Variants in CSMD1 observed in about 807,000 individuals in gnomAD.
CSMD1 encodes the protein CUB and Sushi multiple domains 1, also known as CUB and sushi domain-containing protein 1.
CSMD1 carries 213 observed loss-of-function variants against 417.5 expected under a neutral mutation model. The observed-to-expected ratio is 0.51, with a 90% CI of 0.46 to 0.57. The LOEUF (loss-of-function observed/expected upper bound fraction) is 0.57, where lower values mean the gene tolerates loss of function less well. Among genes scored for constraint, CSMD1 ranks in the 20% least tolerant of loss-of-function variants. The pLI is 0.00. For missense variants in CSMD1, 6,923 were observed against 4,529.7 expected (o/e 1.53, Z -15.17); for synonymous variants, 2,862 against 1,736.8 (o/e 1.65, Z -16.11).
At chr8:4,104,816 T>C (rs866834321) in intron 3 of CSMD1, among the ~76,000 whole-genome samples, 11 of 152,220 alleles carry the variant, frequency 7.2e-5, no homozygotes, top group Non-Finnish European at 1.3e-4. Context: ...AGAGTGTCTT[T>C]AAATGTTTCC....
chr8:4,668,163 C>T (rs758362880), intron 1 of CSMD1, among the ~76,000 whole-genome samples: 2 of 152,096 alleles, frequency 1.3e-5, no homozygotes, highest in Non-Finnish European at 2.9e-5. Context: ...TAATCAACTG[C>T]ACTGCCATGG....
At chr8:3,585,035 G>T (rs1201303440) in intron 9 of CSMD1, among the ~76,000 whole-genome samples, 1 of 152,156 alleles carries the variant, frequency 6.6e-6, no homozygotes, top group Non-Finnish European at 1.5e-5. Flanking sequence ...CCATTTAAGA[G>T]GTGACAACTC....
intron 1 of CSMD1, among the ~76,000 whole-genome samples, chr8:4,941,079 A>C (rs1473937489): frequency 1.3e-5 from 2 of 152,234 alleles, no homozygotes; most frequent in African/African-American, 2.4e-5. Flanking sequence ...AAACCATCTC[A>C]AACATAATTA....
At chr8:4,885,263 T>C (rs540572398) in intron 1 of CSMD1, among the ~76,000 whole-genome samples, 1 of 151,994 alleles carries the variant, frequency 6.6e-6, no homozygotes, top group Admixed American at 6.6e-5. Flanking sequence ...TGTCCAAGAG[T>C]GTACCATCAG....
At chr8:3,153,976 CT>C (rs1819359714) in intron 39 of CSMD1, among the ~76,000 whole-genome samples, 2 of 152,038 alleles carry the variant, frequency 1.3e-5, no homozygotes, top group South Asian at 2.1e-4. Flanking sequence ...TCCTTTGTAA[CT>C]TTTTTTTAAG....
intron 26 of CSMD1, among the ~76,000 whole-genome samples, chr8:3,239,449 A>C (rs1356890098): frequency 6.6e-6 from 1 of 152,176 alleles, no homozygotes; most frequent in Non-Finnish European, 1.5e-5. Flanking sequence ...CTACTTATCC[A>C]GTGAAAGTGT....
intron 1 of CSMD1, among the ~76,000 whole-genome samples, chr8:4,908,625 A>G (rs908977237): frequency 5.3e-5 from 8 of 151,898 alleles, no homozygotes; most frequent in African/African-American, 1.9e-4. Flanking sequence ...AGTCTTTTCT[A>G]GGCTATATTC....
chr8:3,448,261 T>C (rs1487219178), intron 12 of CSMD1, among the ~76,000 whole-genome samples: 1 of 96,868 alleles, frequency 1.0e-5, no homozygotes, highest in African/African-American at 3.7e-5. Flanking sequence ...CTCAAGACCA[T>C]CCTTGGACAA....
chr8:4,242,365 A>C (rs1312776134), intron 3 of CSMD1, among the ~76,000 whole-genome samples: 1 of 152,192 alleles, frequency 6.6e-6, no homozygotes, highest in African/African-American at 2.4e-5. Flanking sequence ...GTAATCAAAG[A>C]GCTGTAAATG....
intron 3 of CSMD1, among the ~76,000 whole-genome samples, chr8:4,095,698 T>C (rs989220636): frequency 2.6e-5 from 4 of 152,232 alleles, no homozygotes; most frequent in South Asian, 2.1e-4. Context: ...ATAGAAGCTA[T>C]GATGAGGTGC....
At chr8:3,208,054 G>T (rs559465845) in intron 30 of CSMD1, among the ~76,000 whole-genome samples, 1 of 152,032 alleles carries the variant, frequency 6.6e-6, no homozygotes, top group East Asian at 1.9e-4. Flanking sequence ...TTCCTCAAAA[G>T]CTTCAAGTTC....
At chr8:4,355,603 A>G (rs1481893682) in intron 3 of CSMD1, among the ~76,000 whole-genome samples, 1 of 152,060 alleles carries the variant, frequency 6.6e-6, no homozygotes, top group Non-Finnish European at 1.5e-5. Context: ...TTCAGACAGA[A>G]GAATAACTGA....
intron 26 of CSMD1, among the ~76,000 whole-genome samples, chr8:3,279,658 G>GA (rs1330314068): frequency 2.0e-5 from 3 of 152,132 alleles, no homozygotes; most frequent in African/African-American, 7.2e-5. Context: ...ATAAAGGAAA[G>GA]AGGTTTAATT....
intron 3 of CSMD1, among the ~76,000 whole-genome samples, chr8:4,175,091 T>C (rs950121174): frequency 1.3e-5 from 2 of 151,936 alleles, no homozygotes; most frequent in Non-Finnish European, 2.9e-5. Flanking sequence ...TGCACTTTCA[T>C]AGACAAATTT....
intron 33 of CSMD1, among the ~76,000 whole-genome samples, chr8:3,194,111 T>C (rs1309111810): frequency 1.3e-5 from 2 of 152,182 alleles, no homozygotes; most frequent in East Asian, 1.9e-4. Context: ...AATTAAAACA[T>C]ACATCACTGA....
intron 5 of CSMD1, among the ~76,000 whole-genome samples, chr8:3,889,633 GA>G (rs1806818379): frequency 6.6e-6 from 1 of 150,822 alleles, no homozygotes; most frequent in East Asian, 2.0e-4. Context: ...GTGTGAAGAG[GA>G]AATCAAGATA....
chr8:3,689,839 G>T (rs1003680362), intron 7 of CSMD1, among the ~76,000 whole-genome samples: 1 of 152,188 alleles, frequency 6.6e-6, no homozygotes, highest in Non-Finnish European at 1.5e-5. Flanking sequence ...ACTGGGCTCA[G>T]AAAGAACATG....
intron 3 of CSMD1, among the ~76,000 whole-genome samples, chr8:4,211,282 C>T (rs1022026219): frequency 6.6e-6 from 1 of 151,976 alleles, no homozygotes; most frequent in African/African-American, 2.4e-5. Context: ...AGATTGATCC[C>T]TTTTCTTTGG....
chr8:3,185,285 C>A (rs1190923198), intron 36 of CSMD1, among the ~76,000 whole-genome samples: 2 of 152,194 alleles, frequency 1.3e-5, no homozygotes, highest in Non-Finnish European at 2.9e-5. Flanking sequence ...TTTCTCCTGG[C>A]TAACTCCAAA....
Sources: gnomAD v4.1 joint callset for allele counts (sites outside exome capture counted in the v4.1 genomes callset) on GRCh38, gnomAD v4.1.1 for gene constraint, MANE v1.5 for transcripts, NCBI Gene and HGNC (gene_info 2026-07-23, HGNC 2026-07-21) for gene names.